UBAP2: variants seen among roughly 807,000 people sequenced by gnomAD.
UBAP2 encodes ubiquitin associated protein 2.
In UBAP2, 75 loss-of-function variants were observed where a neutral mutation model predicts 139.6. The ratio of observed to expected loss-of-function variants is 0.54; its 90% CI spans 0.45 to 0.65. The LOEUF is 0.65. Among genes scored for constraint, UBAP2 ranks in the 30% least tolerant of loss-of-function variants. The pLI, the probability that UBAP2 is intolerant of heterozygous loss-of-function variation, is 0.00. For missense variants in UBAP2, 1,368 were observed against 1,369.6 expected, an observed-to-expected ratio of 1.00 and a Z score of 0.02; for synonymous variants, 526 against 526.2, an observed-to-expected ratio of 1.00 and a Z score of 0.01.
chr9:33,937,302 G>A lies in UBAP2; in HGVS notation c.1930-1424C>T, dbSNP rs371107908. Among the ~76,000 whole-genome samples, 8 of 152,010 alleles carry A rather than the reference G, an allele frequency of 5.3e-5. No individual in the cohort carries two copies. In the South Asian group the frequency reaches 1.0e-3, roughly 20 times the overall value. ...AAGTAAAATTATCTAGCATGTAGTT[G>A]AGAATACATAGTATCAAGTTGACAG... On this transcript the variant is annotated intron_variant, in intron 16 of 28. Coordinates refer to ENST00000379238, the MANE Select transcript of UBAP2 (RefSeq NM_001370062.2).
At chr9:34,015,845 T>A (rs1824202248) in intron 2 of UBAP2, among the ~76,000 whole-genome samples, 2 of 152,024 alleles carry the variant, frequency 1.3e-5, no homozygotes, top group Admixed American at 6.6e-5. Context: ...CTTTTTAAAC[T>A]TTTTGTAGAG....
At chr9:34,043,676 T>A (rs764548490) in intron 1 of UBAP2, among the ~76,000 whole-genome samples, 15 of 152,106 alleles carry the variant, frequency 9.9e-5, no homozygotes, top group African/African-American at 3.6e-4. Flanking sequence ...ACATTTTTTT[T>A]ATAGAGACAG....
At chr9:34,028,922 G>A (rs555838946) in intron 1 of UBAP2, among the ~76,000 whole-genome samples, 1 of 152,212 alleles carries the variant, frequency 6.6e-6, no homozygotes, top group South Asian at 2.1e-4. Flanking sequence ...GAGCAAACCT[G>A]GGCGGCGTGG....
chr9:34,016,364 CAGCGGCGGTGGTGGTGGTGGT>C (rs748271221), intron 2 of UBAP2, among the ~76,000 whole-genome samples: 41 of 39,572 alleles, frequency 1.0e-3, no homozygotes, highest in Admixed American at 2.0e-3. Context: ...GCAGCGGCGG[CAGCGGCGGTGGTGGTGGTGGT>C]GGTGGTGGTG....
chr9:33,927,944 A>C lies in UBAP2; in HGVS notation c.2224T>G (p.Ser742Ala). 4 of 1,614,104 alleles carry C rather than the reference A, an allele frequency of 2.5e-6. No individual in the cohort carries two copies. Among genetic ancestry groups the C allele is most frequent in the Non-Finnish European group, 3.4e-6 (4 of 1,179,982 alleles). ...ASSHQSSATFSTAATSVSSSA... is the reference protein window; with the variant it reads ...ASSHQSSATFATAATSVSSSA... ...CTTGAGACGGAGGTCGCTGCCGTGGAGAAGGTGGCTGAGGACTGGTGGGAA... is the reference window on the plus strand; with the variant it reads ...CTTGAGACGGAGGTCGCTGCCGTGGCGAAGGTGGCTGAGGACTGGTGGGAA... The change falls in exon 20 of 29, where the codon TCC becomes GCC. Residue 742 changes from serine (S) to alanine (A), a missense_variant. Ser to Ala is a moderately conservative substitution (Grantham distance 99, BLOSUM62 1). Coordinates refer to ENST00000379238, the MANE Select transcript of UBAP2 (RefSeq NM_001370062.2).
At chr9:33,967,642 G>A (rs1336146070) in intron 8 of UBAP2, among the ~76,000 whole-genome samples, 6 of 152,144 alleles carry the variant, frequency 3.9e-5, no homozygotes, top group Non-Finnish European at 2.9e-5. Context: ...CACAGGTAAA[G>A]CTGATCAGCC....
chr9:34,002,991 ATCTT>A (rs1450965065), intron 2 of UBAP2, among the ~76,000 whole-genome samples: 1 of 151,900 alleles, frequency 6.6e-6, no homozygotes, highest in Non-Finnish European at 1.5e-5. Flanking sequence ...CCCGGCCTAT[ATCTT>A]TCTTACTCTG....
At chr9:33,947,959 G>A (rs1051451011) in intron 13 of UBAP2, among the ~76,000 whole-genome samples, 3 of 138,056 alleles carry the variant, frequency 2.2e-5, no homozygotes, top group African/African-American at 5.5e-5. Context: ...ATCAGCCTAC[G>A]CAGCACAGGA....
In UBAP2 at chr9:34,024,283, G is replaced by A. The variant is rs144487666; in HGVS notation, c.-41-7094C>T. Among the ~76,000 whole-genome samples the A allele has an allele frequency of 7.3e-5, 11 of 150,350 alleles. No homozygotes were observed. The East Asian group carries it at 9.9e-4, about 14-fold the overall frequency. ...CTTGAACCCGGGAGGAAGAGGTTGCGGTGAGCCAAAATTGCGCCATTGCAC... is the reference window on the plus strand; with the variant it reads ...CTTGAACCCGGGAGGAAGAGGTTGCAGTGAGCCAAAATTGCGCCATTGCAC... On this transcript the variant is annotated intron_variant, in intron 1 of 28. Transcript: ENST00000379238.
intron 2 of UBAP2, among the ~76,000 whole-genome samples, chr9:34,016,341 AGAGGAGGAG>A (rs1792475145): frequency 2.0e-5 from 1 of 49,406 alleles, no homozygotes; most frequent in African/African-American, 9.4e-5. Flanking sequence ...AGGAGGAGGA[AGAGGAGGAG>A]GCAGCAGCGG....
At chr9:34,008,635 T>C (rs1165468152) in intron 2 of UBAP2, among the ~76,000 whole-genome samples, 1 of 1,046 alleles carries the variant, frequency 9.6e-4, no homozygotes, top group Non-Finnish European at 7.4e-3. Context: ...GCGTAAGATA[T>C]ATACTAACAC....
intron 1 of UBAP2, among the ~76,000 whole-genome samples, chr9:34,031,896 G>A (rs1453081770): frequency 6.6e-6 from 1 of 152,154 alleles, no homozygotes; most frequent in Non-Finnish European, 1.5e-5. Context: ...CAACACCTTG[G>A]GAAGCCAAGG....
chr9:33,934,047 C>T (rs150707138), intron 17 of UBAP2: 166 of 171,338 alleles, frequency 9.7e-4, no homozygotes, highest in African/African-American at 3.7e-3. Flanking sequence ...CAGGCAAGAC[C>T]ACCTACACGT....
At chr9:33,934,989 C>CACTCCCAGG (rs1824329974) in intron 17 of UBAP2, among the ~76,000 whole-genome samples, 1 of 152,196 alleles carries the variant, frequency 6.6e-6, no homozygotes, top group African/African-American at 2.4e-5. Context: ...TCAATATCCG[C>CACTCCCAGG]ACTCCCAGGA....
intron 10 of UBAP2, 146 bp downstream of exon 10, chr9:33,960,680 T>C: frequency 7.1e-6 from 5 of 702,152 alleles, no homozygotes; most frequent in Non-Finnish European, 2.4e-6. Flanking sequence ...TTTGGGAGGC[T>C]GAGGCAGAAG....
intron 1 of UBAP2, among the ~76,000 whole-genome samples, chr9:34,045,166 G>A (rs1350063905): frequency 6.6e-6 from 1 of 151,708 alleles, no homozygotes; most frequent in African/African-American, 2.4e-5. Flanking sequence ...CTAACACTGT[G>A]AAACCCCGTC....
At chr9:34,048,604 G>A (rs1393909242) in intron 1 of UBAP2, among the ~76,000 whole-genome samples, 1 of 152,130 alleles carries the variant, frequency 6.6e-6, no homozygotes, top group African/African-American at 2.4e-5. Flanking sequence ...GTAGGAAGAA[G>A]CACAGGGCAA....
At chr9:33,931,701 A>C (rs1028792480) in intron 19 of UBAP2, among the ~76,000 whole-genome samples, 1 of 152,246 alleles carries the variant, frequency 6.6e-6, no homozygotes, top group Non-Finnish European at 1.5e-5. Flanking sequence ...AGAGGAAAGG[A>C]CAGGATGTCC....
At chr9:34,014,833 T>C (rs915961584) in intron 2 of UBAP2, among the ~76,000 whole-genome samples, 1 of 149,868 alleles carries the variant, frequency 6.7e-6, no homozygotes, top group African/African-American at 2.5e-5. Flanking sequence ...AATTCAACTA[T>C]AAAAGGAGGA....
Sources: allele counts gnomAD v4.1 joint callset (sites outside exome capture counted in the v4.1 genomes callset), GRCh38; gene constraint gnomAD v4.1.1; transcripts MANE v1.5; gene names NCBI Gene and HGNC (gene_info 2026-07-23, HGNC 2026-07-21).